PTPRQ: variants seen among roughly 807,000 people sequenced by gnomAD.
PTPRQ encodes the protein phosphatidylinositol phosphatase PTPRQ.
PTPRQ carries 199 observed loss-of-function variants against 246.0 expected under a neutral mutation model. The ratio of observed to expected loss-of-function variants is 0.81; its 90% CI spans 0.72 to 0.91. The LOEUF (loss-of-function observed/expected upper bound fraction) is 0.91. PTPRQ is among the 40% of genes least tolerant of loss of function. The probability of loss-of-function intolerance (pLI) is 0.00; values close to 1 mark genes in which losing one functional copy is unlikely to be tolerated. For synonymous variants in PTPRQ, 869 were observed against 853.2 expected (o/e 1.02, Z -0.32); for missense variants, 2,624 against 2,528.4 (o/e 1.04, Z -0.81).
In PTPRQ at chr12:80,644,853, A is replaced by G. The variant is rs565005163; in HGVS notation, c.5916-4044A>G. Among the ~76,000 whole-genome samples the G allele has an allele frequency of 1.1e-4, 17 of 152,210 alleles. No homozygotes were observed. In the Middle Eastern group the frequency reaches 0.014, roughly 122 times the overall value. On this transcript the variant is annotated intron_variant, in intron 35 of 44. Transcript: ENST00000644991. ...TATACAACATGAGGCTAAGAACGAA[A>G]GCAATGATAAGTATACTACAGACAA...
chr12:80,504,839 T>A (rs555118726), intron 14 of PTPRQ, among the ~76,000 whole-genome samples: 20 of 151,872 alleles, frequency 1.3e-4, no homozygotes, highest in Non-Finnish European at 2.7e-4. Flanking sequence ...CTTTTCTATC[T>A]CTCCACCCAG....
intron 20 of PTPRQ, 69 bp downstream of exon 20, chr12:80,540,013 T>A: frequency 7.9e-7 from 1 of 1,271,466 alleles, no homozygotes; most frequent in Non-Finnish European, 1.0e-6. Context: ...GAAATTTTAC[T>A]ATTTGTTTGA....
In PTPRQ at chr12:80,657,720, ATTGTAT is replaced by A. The variant is rs1368088789; in HGVS notation, c.6116-264_6116-259del. On this transcript the variant is annotated intron_variant, in intron 38 of 44. Coordinates refer to ENST00000644991, the MANE Select transcript of PTPRQ (RefSeq NM_001145026.2). The stretch of plus-strand genomic sequence containing the variant: ...ATGAAAAAAACGATTTGCAGAACAG[ATTGTAT>A]ATCACTCCATTTGTAGCTAAAGAAA... Among the ~76,000 whole-genome samples, 3 of 151,894 alleles carry A rather than the reference ATTGTAT, an allele frequency of 2.0e-5. No homozygotes were observed. The East Asian group carries it at 5.8e-4, about 29-fold the overall frequency.
intron 25 of PTPRQ, among the ~76,000 whole-genome samples, chr12:80,556,710 A>C (rs1254344272): frequency 6.6e-6 from 1 of 152,176 alleles, no homozygotes. Context: ...TGACTAAAGC[A>C]CTCATGGTAA....
chr12:80,669,551 C>A (rs1402123617), intron 41 of PTPRQ, 87 bp downstream of exon 41: 15 of 1,452,438 alleles, frequency 1.0e-5, no homozygotes, highest in East Asian at 2.5e-5. Flanking sequence ...CTAGAACTAT[C>A]CCTTTCAAGG....
intron 10 of PTPRQ, among the ~76,000 whole-genome samples, chr12:80,494,319 C>T (rs967092040): frequency 1.1e-4 from 17 of 151,976 alleles, no homozygotes; most frequent in African/African-American, 2.9e-4. Flanking sequence ...CTAAATAAAG[C>T]GAAAATCTAA....
At chr12:80,461,789 T>A (rs1893179262) in intron 6 of PTPRQ, among the ~76,000 whole-genome samples, 2 of 151,788 alleles carry the variant, frequency 1.3e-5, no homozygotes, top group Middle Eastern at 3.4e-3. Context: ...AGTTTGAAGT[T>A]TTTTTGTTCA....
At chr12:80,574,766 G>A (rs922903522) in intron 25 of PTPRQ, among the ~76,000 whole-genome samples, 13 of 152,062 alleles carry the variant, frequency 8.5e-5, no homozygotes, top group Non-Finnish European at 1.3e-4. Flanking sequence ...GTTGTTATAC[G>A]TGTCAGCTAT....
rs976605935 is a variant in PTPRQ at position 80,679,068 on chromosome 12, AGG to A, written c.*48_*49del. ...CAATTGGAAGAGATTTTTAAATCCC[AGG>A]GGCCAAAGTTACCCCCTCATTCTTC... On this transcript the variant is annotated 3_prime_UTR_variant, in exon 45 of 45. Transcript: ENST00000644991. The A allele has an allele frequency of 7.2e-6, 11 of 1,532,958 alleles. No individual in the cohort carries two copies. The highest frequency in any genetic ancestry group is 9.7e-6 in the Non-Finnish European group (11 of 1,139,832). 95.0% of individuals were successfully genotyped at this position (1,532,958 alleles called of 1,614,324 possible).
intron 26 of PTPRQ, among the ~76,000 whole-genome samples, chr12:80,590,080 T>C: frequency 6.6e-6 from 1 of 152,214 alleles, no homozygotes; most frequent in East Asian, 1.9e-4. Context: ...AACTAATCAC[T>C]GGGCTTGTGT....
At chr12:80,613,916 G>C (rs1898651454) in intron 29 of PTPRQ, 80 bp downstream of exon 29, 2 of 1,378,286 alleles carry the variant, frequency 1.5e-6, no homozygotes, top group South Asian at 1.9e-5. Flanking sequence ...ATTGCAGTTT[G>C]TGTACACATG....
At chr12:80,462,170 G>A (rs1441142757) in intron 6 of PTPRQ, 17 of 188,358 alleles carry the variant, frequency 9.0e-5, no homozygotes, top group Admixed American at 1.8e-4. Context: ...CGAATACTGC[G>A]CTTTTCCGAC....
At chr12:80,473,700 G>A (rs1893726043) in intron 8 of PTPRQ, among the ~76,000 whole-genome samples, 1 of 152,128 alleles carries the variant, frequency 6.6e-6, no homozygotes, top group African/African-American at 2.4e-5. Flanking sequence ...CATGTTATTT[G>A]TCTTGGATTA....
intron 14 of PTPRQ, among the ~76,000 whole-genome samples, chr12:80,502,735 G>T (rs1592589954): frequency 6.6e-6 from 1 of 152,006 alleles, no homozygotes; most frequent in East Asian, 1.9e-4. Flanking sequence ...AAACTGGAAA[G>T]ATAGGAGTCA....
At chr12:80,565,743 A>C (rs1701710635) in intron 25 of PTPRQ, among the ~76,000 whole-genome samples, 1 of 152,210 alleles carries the variant, frequency 6.6e-6, no homozygotes, top group African/African-American at 2.4e-5. Flanking sequence ...ATTAATTTAG[A>C]CCTAATTTAA....
intron 43 of PTPRQ, among the ~76,000 whole-genome samples, chr12:80,676,502 C>T (rs1381885882): frequency 6.6e-6 from 1 of 152,004 alleles, no homozygotes; most frequent in Non-Finnish European, 1.5e-5. Flanking sequence ...ATCAGCCAGG[C>T]GTGGTGGCGC....
chr12:80,494,018 A>C (rs1894532464), intron 10 of PTPRQ, among the ~76,000 whole-genome samples: 1 of 152,002 alleles, frequency 6.6e-6, no homozygotes. Context: ...TTATCTCTCT[A>C]GTTTTTCTAA....
chr12:80,482,851 G>A (rs1478287545), intron 8 of PTPRQ, among the ~76,000 whole-genome samples: 1 of 136,330 alleles, frequency 7.3e-6, no homozygotes, highest in Admixed American at 7.3e-5. Context: ...AGTTAGAATG[G>A]CAATCATTAA....
At chr12:80,458,055 A>G (rs1055615469) in intron 4 of PTPRQ, among the ~76,000 whole-genome samples, 3 of 152,118 alleles carry the variant, frequency 2.0e-5, no homozygotes, top group African/African-American at 7.2e-5. Flanking sequence ...ACATGAAGTC[A>G]TAAGCTTGTT....
Sources: gnomAD v4.1 joint callset for allele counts (sites outside exome capture counted in the v4.1 genomes callset) on GRCh38, gnomAD v4.1.1 for gene constraint, MANE v1.5 for transcripts, NCBI Gene and HGNC (gene_info 2026-07-23, HGNC 2026-07-21) for gene names.